Variants in CADM2 observed in about 807,000 individuals in gnomAD.
CADM2 encodes the protein cell adhesion molecule 2, also known as immunoglobulin superfamily member 4D.
A neutral mutation model predicts 49.8 loss-of-function variants in CADM2; 12 were observed. That is an observed-to-expected ratio of 0.24 (90% CI 0.15 to 0.39). The LOEUF is 0.39. Ranked by LOEUF, CADM2 falls within the 10% of genes least tolerant of loss-of-function variation. The pLI, the probability that CADM2 is intolerant of heterozygous loss-of-function variation, is 1.00. For missense variants in CADM2, 378 were observed against 492.3 expected (o/e 0.77, Z 2.20); for synonymous variants, 214 against 175.4 (o/e 1.22, Z -1.74).
intron 2 of CADM2, chr3:85,800,984 G>A (rs1336831386): frequency 9.9e-5 from 15 of 152,196 alleles, no homozygotes; most frequent in Admixed American, 5.9e-4. Context: ...TTTCATGGAT[G>A]TGATTAAGTC....
At position 85,251,488 on chromosome 3, in the gene CADM2, TC is replaced by T. The variant is rs139161336; in HGVS notation, c.61+291821del. On this transcript the variant is annotated intron_variant, in intron 1 of 9. Coordinates refer to ENST00000383699, the MANE Select transcript of CADM2 (RefSeq NM_001167675.2). Reference sequence around the variant, plus strand: ...TCATTAATATCATGAACTTGTTTTTTCTCATGAACTAATATAAGATTACTCA... The same window carrying T: ...TCATTAATATCATGAACTTGTTTTTTTCATGAACTAATATAAGATTACTCA... Among the ~76,000 whole-genome samples the T allele has an allele frequency of 7.0e-3, 1,057 of 152,066 alleles. 10 individuals carry two copies. Among genetic ancestry groups the T allele is most frequent in the African/African-American group, 0.023 (967 of 41,564 alleles).
chr3:85,770,045 T>A (rs918556847), intron 2 of CADM2, among the ~76,000 whole-genome samples: 1 of 152,030 alleles, frequency 6.6e-6, no homozygotes, highest in East Asian at 1.9e-4. Flanking sequence ...GATATAGAAA[T>A]AGCACTGGAT....
intron 1 of CADM2, among the ~76,000 whole-genome samples, chr3:85,013,994 A>G (rs963130558): frequency 6.9e-6 from 1 of 144,252 alleles, no homozygotes; most frequent in Non-Finnish European, 1.5e-5. Context: ...ATATATACGC[A>G]GTGTAATAAT....
At chr3:85,957,985 A>G (rs1411331428) in intron 7 of CADM2, among the ~76,000 whole-genome samples, 1 of 152,046 alleles carries the variant, frequency 6.6e-6, no homozygotes, top group Non-Finnish European at 1.5e-5. Context: ...ACAGCAAAAA[A>G]TACTATCATC....
intron 1 of CADM2, among the ~76,000 whole-genome samples, chr3:85,656,510 G>T (rs1167469022): frequency 3.9e-5 from 6 of 152,052 alleles, no homozygotes; most frequent in Non-Finnish European, 7.4e-5. Flanking sequence ...CAACTACTCG[G>T]GAGGCTGAGG....
chr3:85,328,356 T>G (rs993885928), intron 1 of CADM2, among the ~76,000 whole-genome samples: 2 of 152,244 alleles, frequency 1.3e-5, no homozygotes, highest in Non-Finnish European at 2.9e-5. Context: ...ACTATAACTC[T>G]AATTTCATTT....
At chr3:85,865,410 T>C (rs1013042875) in intron 3 of CADM2, among the ~76,000 whole-genome samples, 4 of 142,470 alleles carry the variant, frequency 2.8e-5, no homozygotes, top group African/African-American at 1.2e-4. Context: ...ATTTTTATTA[T>C]TATATGTTTG....
At chr3:85,925,639 T>A (rs1164938298) in intron 6 of CADM2, among the ~76,000 whole-genome samples, 3 of 152,128 alleles carry the variant, frequency 2.0e-5, no homozygotes, top group Admixed American at 6.5e-5. Flanking sequence ...GAGGTGTGGA[T>A]TGAGTTTGAT....
intron 3 of CADM2, among the ~76,000 whole-genome samples, chr3:85,855,606 T>TATATATAAAAC (rs1466930573): frequency 1.2e-4 from 5 of 40,178 alleles, no homozygotes; most frequent in Non-Finnish European, 2.0e-4. Context: ...ATAAAACATA[T>TATATATAAAAC]ATATATATAT....
chr3:85,484,800 T>C (rs1236218999), intron 1 of CADM2, among the ~76,000 whole-genome samples: 1 of 151,994 alleles, frequency 6.6e-6, no homozygotes, highest in Non-Finnish European at 1.5e-5. Flanking sequence ...GTTTATCAAA[T>C]CATATTGACC....
chr3:85,591,997 A>T (rs768925842), intron 1 of CADM2, among the ~76,000 whole-genome samples: 5 of 152,010 alleles, frequency 3.3e-5, no homozygotes, highest in Admixed American at 6.6e-5. Context: ...TCCTGGATTC[A>T]TTATAATGTA....
At chr3:85,001,179 C>G (rs761498118) in intron 1 of CADM2, among the ~76,000 whole-genome samples, 6 of 151,766 alleles carry the variant, frequency 4.0e-5, no homozygotes, top group Non-Finnish European at 7.4e-5. Context: ...ATTTGACATC[C>G]TCTCTGTCCC....
intron 1 of CADM2, among the ~76,000 whole-genome samples, chr3:85,215,730 G>A (rs1234471875): frequency 3.9e-5 from 6 of 152,046 alleles, no homozygotes; most frequent in Non-Finnish European, 5.9e-5. Context: ...GGGTCTTTCC[G>A]GGACTCAAGT....
chr3:85,012,478 T>G (rs2034045989), intron 1 of CADM2, among the ~76,000 whole-genome samples: 1 of 149,608 alleles, frequency 6.7e-6, no homozygotes, highest in Non-Finnish European at 1.5e-5. Context: ...ATATGACATT[T>G]AAATATATGT....
chr3:85,174,427 C>T (rs963429040), intron 1 of CADM2, among the ~76,000 whole-genome samples: 29 of 151,544 alleles, frequency 1.9e-4, no homozygotes, highest in South Asian at 2.1e-4. Context: ...CATTTCCTAC[C>T]GCATTAATGT....
chr3:86,054,986 G>T (rs895488218), intron 8 of CADM2, among the ~76,000 whole-genome samples: 1 of 152,046 alleles, frequency 6.6e-6, no homozygotes, highest in Non-Finnish European at 1.5e-5. Context: ...GACATTGAAG[G>T]CAGAACAGCT....
chr3:85,594,275 A>C (rs1035696153), intron 1 of CADM2, among the ~76,000 whole-genome samples: 1 of 151,956 alleles, frequency 6.6e-6, no homozygotes, highest in African/African-American at 2.4e-5. Context: ...AAGTTAGAAC[A>C]TAACAATTTT....
Position 85,272,089 on chromosome 3 carries a change from TA to T in CADM2, c.61+312431del, listed in dbSNP as rs111483446. Among the ~76,000 whole-genome samples the T allele has an allele frequency of 8.4e-3, 1,182 of 141,174 alleles. 14 individuals carry two copies. Among genetic ancestry groups the T allele is most frequent in the African/African-American group, 0.028 (1,071 of 38,872 alleles). 92.6% of individuals were successfully genotyped at this position (141,174 alleles called of 152,430 possible). A position where few individuals can be genotyped will look rare whatever the true frequency, so the allele number is the denominator to read the frequency against. ...TGGGCAGTTGTCCATATTTTATAGA[TA>T]AAAAAAAAAGGGTTTGCTGCTAATG... On this transcript the variant is annotated intron_variant, in intron 1 of 9. Coordinates refer to ENST00000383699, the MANE Select transcript of CADM2 (RefSeq NM_001167675.2).
At position 85,086,070 on chromosome 3, in the gene CADM2, G is replaced by A. The variant is rs187215102; in HGVS notation, c.61+126402G>A. 6.9e-3 allele frequency among the ~76,000 whole-genome samples: 1,050 copies of A among 152,076 alleles called. 9 individuals are homozygous for A. Among genetic ancestry groups the A allele is most frequent in the Non-Finnish European group, 0.01 (686 of 68,000 alleles). On this transcript the variant is annotated intron_variant, in intron 1 of 9. Coordinates refer to ENST00000383699, the MANE Select transcript of CADM2 (RefSeq NM_001167675.2). Reference sequence around the variant, plus strand: ...ATTTCCACATAGAATACTTAAGAAGGCTCTGCTGTCTATAATCAGATTTTA... The same window carrying A: ...ATTTCCACATAGAATACTTAAGAAGACTCTGCTGTCTATAATCAGATTTTA...
Sources: allele counts gnomAD v4.1 joint callset (sites outside exome capture counted in the v4.1 genomes callset), GRCh38; gene constraint gnomAD v4.1.1; transcripts MANE v1.5; gene names NCBI Gene and HGNC (gene_info 2026-07-23, HGNC 2026-07-21).